Variants in SOS1 observed in about 807,000 individuals in gnomAD.
The protein encoded by SOS1 is SOS Ras/Rac guanine nucleotide exchange factor 1, also known as son of sevenless homolog 1.
Under a neutral mutation model 157.6 loss-of-function variants are expected in SOS1, and 25 were observed. The observed-to-expected ratio is 0.16, with a 90% CI of 0.12 to 0.22. The LOEUF is 0.22. Among genes scored for constraint, SOS1 ranks in the 10% least tolerant of loss-of-function variants. The probability of loss-of-function intolerance (pLI) is 1.00; values close to 1 mark genes in which losing one functional copy is unlikely to be tolerated. For synonymous variants in SOS1, 528 were observed against 534.0 expected (o/e 0.99, Z 0.16); for missense variants, 1,237 against 1,599.1 (o/e 0.77, Z 3.86).
rs147080183 is a variant in SOS1, at chr2:39,117,976, A to T, written c.87+2360T>A. Among the ~76,000 whole-genome samples, 246 of 152,352 alleles carry T rather than the reference A, an allele frequency of 1.6e-3. 2 individuals carry two copies. The East Asian group carries it at 0.019, about 12-fold the overall frequency. ...TGTATATCCCCTCACCTATTTATTCAAATTGAGTGCCTACCAGATGTCAAG... is the reference window on the plus strand; with the variant it reads ...TGTATATCCCCTCACCTATTTATTCTAATTGAGTGCCTACCAGATGTCAAG... On this transcript the variant is annotated intron_variant, in intron 1 of 22. Transcript: ENST00000402219.
chr2:38,988,367 CAA>C (rs990770015), intron 21 of SOS1, among the ~76,000 whole-genome samples: 1 of 151,946 alleles, frequency 6.6e-6, no homozygotes, highest in Non-Finnish European at 1.5e-5. Context: ...TTTATGGTAA[CAA>C]GAACATAAGG....
At chr2:39,054,909 A>G (rs1671153553) in intron 4 of SOS1, 86 bp from the exon 5 acceptor site, 6 of 776,022 alleles carry the variant, frequency 7.7e-6, no homozygotes, top group Non-Finnish European at 1.3e-5. Flanking sequence ...TCTCTGAATA[A>G]AGTTCTTAAA....
At chr2:39,101,486 G>A (rs1672966008) in intron 1 of SOS1, among the ~76,000 whole-genome samples, 1 of 152,066 alleles carries the variant, frequency 6.6e-6, no homozygotes, top group Non-Finnish European at 1.5e-5. Context: ...TAAACTTTAT[G>A]CATAGCATTA....
At chr2:39,044,883 CTGT>C (rs1465217986) in intron 6 of SOS1, among the ~76,000 whole-genome samples, 4 of 152,134 alleles carry the variant, frequency 2.6e-5, no homozygotes, top group Non-Finnish European at 4.4e-5. Context: ...CACACACACT[CTGT>C]TGTCCCTTTT....
rs1668512981 is a variant in SOS1 at position 38,985,096 on chromosome 2, A to G, written c.*728T>C. On this transcript the variant is annotated 3_prime_UTR_variant, in exon 23 of 23. Transcript: ENST00000402219. ...AGTTCTTCTGTCATGTTAATGACAC[A>G]AAACTTCTCTTTTTTGAAGGCAACA... 6.6e-6 allele frequency: 1 copy of G among 152,262 alleles called. No individual in the cohort carries two copies. The highest frequency in any genetic ancestry group is 1.5e-5 in the Non-Finnish European group (1 of 68,078). The allele number at this position is 152,262 out of a possible 1,614,324, so 9.4% of individuals were successfully genotyped here. A position where few individuals can be genotyped will look rare whatever the true frequency, so the allele number is the denominator to read the frequency against.
Position 38,995,450 on chromosome 2 carries a change from A to G in SOS1, c.3082-63T>C, listed in dbSNP as rs1407765969. On this transcript the variant is annotated intron_variant, in intron 19 of 22. Transcript: ENST00000402219. ...CTGTAGTAGAAAGGAAAGTTTTTCT[A>G]TATGTGCCTGGTAAAATTCAGCTAA... The G allele has an allele frequency of 1.4e-5, 19 of 1,317,298 alleles. No individual in the cohort carries two copies. In the East Asian group the frequency reaches 3.5e-4, roughly 24 times the overall value. The allele number at this position is 1,317,298 out of a possible 1,614,324, so 81.6% of individuals were successfully genotyped here.
chr2:39,122,075 T>C (rs1673909719), upstream of SOS1, among the ~76,000 whole-genome samples: 1 of 152,208 alleles, frequency 6.6e-6, no homozygotes, highest in Non-Finnish European at 1.5e-5. Context: ...CAGTGGTTCT[T>C]AATCTTTACA....
At chr2:39,062,351 A>G (rs1487298314) in intron 2 of SOS1, among the ~76,000 whole-genome samples, 1 of 151,362 alleles carries the variant, frequency 6.6e-6, no homozygotes, top group African/African-American at 2.4e-5. Flanking sequence ...CTGGGAGGCG[A>G]AAGTTGCAGT....
chr2:39,044,596 C>G (rs1202665025), intron 6 of SOS1, among the ~76,000 whole-genome samples: 1 of 152,100 alleles, frequency 6.6e-6, no homozygotes, highest in East Asian at 1.9e-4. Flanking sequence ...CTTTGAACAA[C>G]CCGTGGGTTA....
At chr2:39,112,415 A>C (rs1200004935) in intron 1 of SOS1, among the ~76,000 whole-genome samples, 1 of 152,114 alleles carries the variant, frequency 6.6e-6, no homozygotes, top group African/African-American at 2.4e-5. Flanking sequence ...CTCCCACCTC[A>C]GTCTCCCAAG....
intron 1 of SOS1, among the ~76,000 whole-genome samples, chr2:39,077,271 G>C (rs748078522): frequency 4.0e-5 from 6 of 151,078 alleles, no homozygotes; most frequent in South Asian, 2.1e-4. Flanking sequence ...GATCCCAGGA[G>C]GCGGAGGCTG....
rs1668479421 is a variant in SOS1 at position 38,984,080 on chromosome 2, T to G, written c.*1744A>C. ...TGTACATTTTATGCTCTAATAAATA[T>G]CATAGGAAATTATTAAAGTACTAGG... On this transcript the variant is annotated 3_prime_UTR_variant, in exon 23 of 23. Transcript: ENST00000402219. 1 of 152,092 alleles carries G rather than the reference T, an allele frequency of 6.6e-6. No homozygotes were observed. Among genetic ancestry groups the G allele is most frequent in the Admixed American group, 6.6e-5 (1 of 15,190 alleles). The allele number at this position is 152,092 out of a possible 1,614,324, so 9.4% of individuals were successfully genotyped here.
rs1249646521 is a variant in SOS1 at position 38,983,877 on chromosome 2, G to GCTTTGT, written c.*1946_*1947insACAAAG. 6.6e-6 allele frequency: 1 copy of GCTTTGT among 152,076 alleles called. No individual in the cohort carries two copies. The highest frequency in any genetic ancestry group is 1.5e-5 in the Non-Finnish European group (1 of 67,986). The allele number at this position is 152,076 out of a possible 1,614,324, so 9.4% of individuals were successfully genotyped here. ...GGATTTGAAATTAATGTTTTAGGAC[G>GCTTTGT]CTTTTCAAAGAGGAAATATTTTATA... On this transcript the variant is annotated 3_prime_UTR_variant, in exon 23 of 23. Coordinates refer to ENST00000402219, the MANE Select transcript of SOS1 (RefSeq NM_005633.4).
rs1207136263 is a variant in SOS1, at chr2:39,120,776, G to A, written c.-354C>T. On this transcript the variant is annotated 5_prime_UTR_variant, in exon 1 of 23. Transcript: ENST00000402219. ...CCCGCCCGCCGGGGCTGCACTCCCG[G>A]GCCCGGTCTGGCCCCGCGGCGGAGC... 6.7e-6 allele frequency among the ~76,000 whole-genome samples: 1 copy of A among 149,300 alleles called. No homozygotes were observed. Among genetic ancestry groups the A allele is most frequent in the Non-Finnish European group, 1.5e-5 (1 of 67,176 alleles).
At chr2:39,025,500 T>C (rs1669928432) in intron 8 of SOS1, among the ~76,000 whole-genome samples, 1 of 151,558 alleles carries the variant, frequency 6.6e-6, no homozygotes, top group Non-Finnish European at 1.5e-5. Flanking sequence ...CGGGTGTCTG[T>C]CACCACACCT....
intron 1 of SOS1, among the ~76,000 whole-genome samples, chr2:39,081,244 G>A (rs932524908): frequency 4.6e-5 from 7 of 152,188 alleles, no homozygotes; most frequent in Non-Finnish European, 1.0e-4. Flanking sequence ...TAGTGGCTGG[G>A]TGTGGTGGTT....
intron 22 of SOS1, 112 bp downstream of exon 22, chr2:38,987,361 C>A: frequency 5.7e-6 from 4 of 707,846 alleles, no homozygotes; most frequent in South Asian, 4.5e-5. Flanking sequence ...AACTATTAAG[C>A]CTGTATACTC....
At chr2:39,067,795 T>A (rs768706913) in intron 1 of SOS1, 42 bp from the exon 2 acceptor site, 79 of 1,585,368 alleles carry the variant, frequency 5.0e-5, no homozygotes, top group Non-Finnish European at 6.6e-5. Context: ...GGGTTCCATA[T>A]CATTAAACAA....
intron 1 of SOS1, among the ~76,000 whole-genome samples, chr2:39,079,353 T>G (rs1365068975): frequency 6.6e-6 from 1 of 152,198 alleles, no homozygotes; most frequent in African/African-American, 2.4e-5. Context: ...CATTGTTTAT[T>G]AATTTATACT....
Sources: gnomAD v4.1 joint callset for allele counts (sites outside exome capture counted in the v4.1 genomes callset) on GRCh38, gnomAD v4.1.1 for gene constraint, MANE v1.5 for transcripts, NCBI Gene and HGNC (gene_info 2026-07-23, HGNC 2026-07-21) for gene names.